Variants in MAST4 observed in about 807,000 individuals in gnomAD.
MAST4 encodes microtubule associated serine/threonine kinase family member 4.
Under a neutral mutation model 162.7 loss-of-function variants are expected in MAST4, and 89 were observed. The observed-to-expected ratio is 0.55, with a 90% CI of 0.46 to 0.65. The LOEUF is 0.65. Among genes scored for constraint, MAST4 ranks in the 30% least tolerant of loss-of-function variants. The pLI, the probability that MAST4 is intolerant of heterozygous loss-of-function variation, is 0.00. For missense variants in MAST4, 3,153 were observed against 3,374.0 expected (o/e 0.93, Z 1.62); for synonymous variants, 1,479 against 1,361.1 (o/e 1.09, Z -1.91).
At position 66,848,859 on chromosome 5, in the gene MAST4, C is replaced by T. The variant is rs184493267; in HGVS notation, c.643-51092C>T. Among the ~76,000 whole-genome samples, 12 of 152,298 alleles carry T rather than the reference C, an allele frequency of 7.9e-5. No homozygotes were observed. The East Asian group carries it at 2.1e-3, about 27-fold the overall frequency. Reference sequence around the variant, plus strand: ...TATGTCTGTAGCTGCAGCATTTATACACATGGCACGAGCAGCTGGGATGTC... The same window carrying T: ...TATGTCTGTAGCTGCAGCATTTATATACATGGCACGAGCAGCTGGGATGTC... On this transcript the variant is annotated intron_variant, in intron 3 of 28. Transcript: ENST00000403625.
chr5:67,055,406 T>TA (rs542560391), intron 5 of MAST4, among the ~76,000 whole-genome samples: 71 of 152,318 alleles, frequency 4.7e-4, no homozygotes, highest in Middle Eastern at 3.4e-3. Context: ...TCTAATTTGA[T>TA]ACTCATGTGT....
chr5:66,712,808 A>G (rs1198232516), intron 1 of MAST4, among the ~76,000 whole-genome samples: 5 of 152,242 alleles, frequency 3.3e-5, no homozygotes, highest in African/African-American at 1.2e-4. Flanking sequence ...AGACCTATCT[A>G]TAGAGAAATA....
chr5:67,119,772 A>G (rs1338958635), intron 13 of MAST4, among the ~76,000 whole-genome samples: 3 of 152,098 alleles, frequency 2.0e-5, no homozygotes, highest in Non-Finnish European at 4.4e-5. Context: ...ACTCAGAGGG[A>G]GAGTTTCTGG....
chr5:66,978,821 C>G (rs527416413), intron 4 of MAST4, among the ~76,000 whole-genome samples: 1 of 152,278 alleles, frequency 6.6e-6, no homozygotes, highest in Admixed American at 6.5e-5. Context: ...ACTTGCTAGT[C>G]TTGAGCTTTC....
At chr5:66,893,400 C>A (rs1237194536) in intron 3 of MAST4, among the ~76,000 whole-genome samples, 2 of 138,166 alleles carry the variant, frequency 1.4e-5, no homozygotes, top group Non-Finnish European at 3.2e-5. Flanking sequence ...GTGTGTGTGT[C>A]TTTTTTTTGG....
At chr5:67,021,388 C>T (rs1348286763) in intron 4 of MAST4, among the ~76,000 whole-genome samples, 1 of 152,170 alleles carries the variant, frequency 6.6e-6, no homozygotes, top group Non-Finnish European at 1.5e-5. Context: ...GATTATTTCT[C>T]ACTATATATT....
intron 1 of MAST4, among the ~76,000 whole-genome samples, chr5:66,652,618 T>C (rs922089859): frequency 1.3e-5 from 2 of 152,202 alleles, no homozygotes; most frequent in African/African-American, 4.8e-5. Context: ...TAGAATTCAA[T>C]CTTTAATGCA....
At position 66,765,801 on chromosome 5, in the gene MAST4, A is replaced by AAACTTTTGAATCACTAAGGGCATTAGATT. The variant is rs532403017; in HGVS notation, c.517+5942_517+5970dup. On this transcript the variant is annotated intron_variant, in intron 2 of 28. Transcript: ENST00000403625. ...AATGTTTGCATTTTCCTCCCTAGCT[A>AAACTTTTGAATCACTAAGGGCATTAGATT]AACTTTTGAATCACTAAGGGCATTA... is the stretch of plus-strand genomic sequence containing the variant. Among the ~76,000 whole-genome samples the AAACTTTTGAATCACTAAGGGCATTAGATT allele has an allele frequency of 1.2e-3, 187 of 152,302 alleles. 5 individuals are homozygous for AAACTTTTGAATCACTAAGGGCATTAGATT. The South Asian group carries it at 0.036, about 30-fold the overall frequency.
intron 1 of MAST4, among the ~76,000 whole-genome samples, chr5:66,645,897 T>G (rs1350253621): frequency 6.6e-6 from 1 of 152,206 alleles, no homozygotes; most frequent in African/African-American, 2.4e-5. Context: ...GAACATTCTT[T>G]GCAGATTTGA....
At chr5:66,911,637 G>A (rs1763785290) in intron 4 of MAST4, among the ~76,000 whole-genome samples, 1 of 146,044 alleles carries the variant, frequency 6.8e-6, no homozygotes, top group African/African-American at 2.5e-5. Context: ...TAGGGAGGCT[G>A]AGGCTGGAGG....
In MAST4 at chr5:67,166,281, A is replaced by G; in HGVS notation, c.7102A>G (p.Arg2368Gly). 1 of 1,558,618 alleles carries G rather than the reference A, an allele frequency of 6.4e-7. No homozygotes were observed. The highest frequency in any genetic ancestry group is 8.7e-7 in the Non-Finnish European group (1 of 1,150,804). The change falls in exon 29 of 29, where the codon AGG (arginine) becomes GGG (glycine). Residue 2368 changes from arginine to glycine, a missense_variant. Arg to Gly is a moderately radical substitution (Grantham distance 125). Transcript: ENST00000403625. Reference protein sequence around the residue: ...PSQPAANTDRRAEGKKCTEAL... With the variant: ...PSQPAANTDRGAEGKKCTEAL... Reference sequence around the variant, plus strand: ...TCAGCCGGCCGCCAACACCGACAGAAGGGCGGAAGGGAAGAAATGCACTGA... The same window carrying G: ...TCAGCCGGCCGCCAACACCGACAGAGGGGCGGAAGGGAAGAAATGCACTGA...
chr5:66,636,736 A>G (rs923133054), intron 1 of MAST4, among the ~76,000 whole-genome samples: 1 of 152,198 alleles, frequency 6.6e-6, no homozygotes, highest in Non-Finnish European at 1.5e-5. Flanking sequence ...TGGCCAGGAT[A>G]TATGGTATAC....
chr5:67,024,874 A>G (rs1754449371), intron 4 of MAST4, among the ~76,000 whole-genome samples: 1 of 151,970 alleles, frequency 6.6e-6, no homozygotes, highest in Admixed American at 6.6e-5. Context: ...GGAATGAAAC[A>G]GCGTAATGAG....
chr5:66,648,089 AG>A (rs1745982367), intron 1 of MAST4, among the ~76,000 whole-genome samples: 1 of 108,398 alleles, frequency 9.2e-6, no homozygotes, highest in African/African-American at 3.4e-5. Flanking sequence ...TGTGTGAGAG[AG>A]AGAGAGAGAG....
chr5:66,803,083 C>T (rs2010386), intron 3 of MAST4, among the ~76,000 whole-genome samples: 37,794 of 152,006 alleles, frequency 0.25, 5,752 homozygotes, highest in Non-Finnish European at 0.35. Flanking sequence ...CCCTTAACCT[C>T]GTGAGGCCTG....
In MAST4 at chr5:67,166,402, CG is replaced by C. The variant is rs774297174; in HGVS notation, c.7228del (p.Val2410TrpfsTer28). ...TTGAAAGGCGCGGAGCGGCCAGCCG[CG>C]GGGGTGGGGAAGGGCTTCCCTGAGG... ...NRLKGAERPA[A>X]GVGKGFPEAR... On this transcript the variant is annotated frameshift_variant, in exon 29 of 29. Transcript: ENST00000403625. LOFTEE classifies it low-confidence loss of function (END_TRUNC). The C allele has an allele frequency of 1.2e-6, 2 of 1,610,208 alleles. No individual in the cohort carries two copies. Among genetic ancestry groups the C allele is most frequent in the South Asian group, 1.1e-5 (1 of 90,498 alleles).
At chr5:66,798,770 T>C (rs545125456) in intron 3 of MAST4, among the ~76,000 whole-genome samples, 15 of 152,290 alleles carry the variant, frequency 9.8e-5, no homozygotes, top group Non-Finnish European at 2.1e-4. Flanking sequence ...TATCTCTTCA[T>C]TGCCTGTAAC....
chr5:66,903,624 G>C (rs1763154020), intron 4 of MAST4, among the ~76,000 whole-genome samples: 1 of 152,068 alleles, frequency 6.6e-6, no homozygotes, highest in African/African-American at 2.4e-5. Context: ...AAATGTTTTA[G>C]TATATACTAC....
At chr5:66,728,013 GT>G (rs1380824623) in intron 1 of MAST4, among the ~76,000 whole-genome samples, 1 of 152,106 alleles carries the variant, frequency 6.6e-6, no homozygotes, top group East Asian at 1.9e-4. Context: ...AATAACTCAG[GT>G]TTTTAAGCTC....
Sources: gnomAD v4.1 joint callset for allele counts (sites outside exome capture counted in the v4.1 genomes callset) on GRCh38, gnomAD v4.1.1 for gene constraint, MANE v1.5 for transcripts, NCBI Gene and HGNC (gene_info 2026-07-23, HGNC 2026-07-21) for gene names.